C8orf89: variants seen among roughly 807,000 people sequenced by gnomAD.
C8orf89 encodes the protein chromosome 8 open reading frame 89.
A neutral mutation model predicts 15.8 loss-of-function variants in C8orf89; 14 were observed. The ratio of observed to expected loss-of-function variants is 0.89; its 90% CI spans 0.59 to 1.39. The LOEUF is 1.39. Among genes scored for constraint, C8orf89 ranks in the 40% most tolerant of loss-of-function variants. The probability of loss-of-function intolerance (pLI) is 0.00; values close to 1 mark genes in which losing one functional copy is unlikely to be tolerated. For synonymous variants in C8orf89, 55 were observed against 62.2 expected (o/e 0.88, Z 0.54); for missense variants, 181 against 184.5 (o/e 0.98, Z 0.11).
chr8:73,277,244 T>A, the C8orf89 span: 1 of 444,398 alleles, frequency 2.3e-6, no homozygotes, highest in Admixed American at 3.9e-5. Flanking sequence ...TAATCCATAC[T>A]GAGAATAGAG....
chr8:73,264,162 CA>C (rs1480050427), upstream of C8orf89, among the ~76,000 whole-genome samples: 1 of 151,702 alleles, frequency 6.6e-6, no homozygotes, highest in Non-Finnish European at 1.5e-5. Context: ...GGAAAATCAC[CA>C]AAAAAAGGAC....
At chr8:73,242,592 C>T (rs932586364) in intron 3 of C8orf89, among the ~76,000 whole-genome samples, 11 of 152,158 alleles carry the variant, frequency 7.2e-5, no homozygotes, top group African/African-American at 2.7e-4. Context: ...GGCATCAAAA[C>T]TACAATGAGA....
chr8:73,283,242 T>C, the C8orf89 span, among the ~76,000 whole-genome samples: 1 of 152,188 alleles, frequency 6.6e-6, no homozygotes, highest in South Asian at 2.1e-4. Context: ...CATGTCCAAT[T>C]GTGCAAGTTA....
intron 2 of C8orf89, among the ~76,000 whole-genome samples, chr8:73,251,337 C>T (rs1051227147): frequency 1.3e-5 from 2 of 152,176 alleles, no homozygotes; most frequent in African/African-American, 2.4e-5. Flanking sequence ...CTCTGCTTTG[C>T]CAAAACCGCT....
upstream of C8orf89, among the ~76,000 whole-genome samples, chr8:73,261,779 G>GAACA (rs1376939531): frequency 6.6e-6 from 1 of 152,158 alleles, no homozygotes; most frequent in Non-Finnish European, 1.5e-5. Flanking sequence ...ACAGCAAAGG[G>GAACA]AAGGGGAGAA....
chr8:73,245,488 G>A (rs542712535), intron 3 of C8orf89, among the ~76,000 whole-genome samples: 8 of 152,022 alleles, frequency 5.3e-5, no homozygotes, highest in African/African-American at 1.9e-4. Context: ...CAAAGAACAT[G>A]GAGGAAAAAG....
At chr8:73,284,103 T>C in the C8orf89 span, among the ~76,000 whole-genome samples, 7 of 150,342 alleles carry the variant, frequency 4.7e-5, no homozygotes, top group Non-Finnish European at 8.9e-5. Flanking sequence ...CAGGGAAAAA[T>C]TGAAACCAAT....
At chr8:73,260,068 C>T (rs777192132), upstream of C8orf89, among the ~76,000 whole-genome samples, 2 of 152,042 alleles carry the variant, frequency 1.3e-5, no homozygotes, top group Non-Finnish European at 2.9e-5. Flanking sequence ...GTGATCACAA[C>T]AAAGAATTAG....
At chr8:73,276,178 CTT>C in the C8orf89 span, among the ~76,000 whole-genome samples, 2 of 131,620 alleles carry the variant, frequency 1.5e-5, no homozygotes, top group Non-Finnish European at 3.1e-5. Flanking sequence ...ATTTCTGATG[CTT>C]TTTTTTTTTT....
At chr8:73,249,970 CT>C (rs796842629) in intron 3 of C8orf89, among the ~76,000 whole-genome samples, 8 of 151,922 alleles carry the variant, frequency 5.3e-5, no homozygotes, top group African/African-American at 1.9e-4. Context: ...AAGTTTTAGG[CT>C]TTTTTTGTGG....
chr8:73,249,870 T>C (rs1813210200), intron 3 of C8orf89, among the ~76,000 whole-genome samples: 1 of 152,124 alleles, frequency 6.6e-6, no homozygotes, highest in African/African-American at 2.4e-5. Context: ...TGGCAAGGGA[T>C]TCAACATCAA....
At chr8:73,272,211 T>C in the C8orf89 span, among the ~76,000 whole-genome samples, 1 of 152,174 alleles carries the variant, frequency 6.6e-6, no homozygotes, top group Non-Finnish European at 1.5e-5. Context: ...AGTATATCTT[T>C]CTTGCAGATT....
At chr8:73,245,250 A>G (rs566695249) in intron 3 of C8orf89, among the ~76,000 whole-genome samples, 21 of 152,372 alleles carry the variant, frequency 1.4e-4, no homozygotes, top group Non-Finnish European at 2.5e-4. Flanking sequence ...TGAGATTTCA[A>G]TGGGGACACA....
chr8:73,285,048 A>G, the C8orf89 span, among the ~76,000 whole-genome samples: 1 of 152,186 alleles, frequency 6.6e-6, no homozygotes, highest in Non-Finnish European at 1.5e-5. Context: ...ACACACACAA[A>G]TTATAGGTAA....
the C8orf89 span, among the ~76,000 whole-genome samples, chr8:73,267,685 G>C: frequency 6.6e-6 from 1 of 152,172 alleles, no homozygotes; most frequent in Admixed American, 6.5e-5. Context: ...GCTTGGTTAG[G>C]CTATATAGTA....
At chr8:73,267,911 G>T in the C8orf89 span, among the ~76,000 whole-genome samples, 1 of 152,178 alleles carries the variant, frequency 6.6e-6, no homozygotes, top group Non-Finnish European at 1.5e-5. Context: ...TCCTGCCGAA[G>T]ATGTGTCTCT....
chr8:73,272,749 C>T, the C8orf89 span, among the ~76,000 whole-genome samples: 1 of 152,162 alleles, frequency 6.6e-6, no homozygotes, highest in Non-Finnish European at 1.5e-5. Context: ...ATGATGGTTT[C>T]CAGCTTCATC....
chr8:73,280,742 TAC>T, the C8orf89 span, among the ~76,000 whole-genome samples: 79 of 150,132 alleles, frequency 5.3e-4, no homozygotes, highest in South Asian at 4.4e-3. Flanking sequence ...CATATATATA[TAC>T]ACACACACAC....
At chr8:73,252,362 TA>T (rs1813268801) in intron 2 of C8orf89, among the ~76,000 whole-genome samples, 1 of 152,134 alleles carries the variant, frequency 6.6e-6, no homozygotes. Context: ...ACAAAATGCA[TA>T]TATATAAAGT....
Sources: allele counts gnomAD v4.1 joint callset (sites outside exome capture counted in the v4.1 genomes callset), GRCh38; gene constraint gnomAD v4.1.1; transcripts MANE v1.5; gene names NCBI Gene and HGNC (gene_info 2026-07-23, HGNC 2026-07-21).